Variants in EXOC4 observed in about 807,000 individuals in gnomAD.
EXOC4 encodes the protein SEC8-like 1.
A neutral mutation model predicts 107.2 loss-of-function variants in EXOC4; 71 were observed. The ratio of observed to expected loss-of-function variants is 0.66; its 90% CI spans 0.55 to 0.81. EXOC4 has a LOEUF of 0.81. Among genes scored for constraint, EXOC4 ranks in the 30% least tolerant of loss-of-function variants. The probability of loss-of-function intolerance (pLI) is 0.00; values close to 1 mark genes in which losing one functional copy is unlikely to be tolerated. For missense variants in EXOC4, 1,108 were observed against 1,189.6 expected (o/e 0.93, Z 1.01); for synonymous variants, 456 against 441.2 (o/e 1.03, Z -0.42).
intron 17 of EXOC4, among the ~76,000 whole-genome samples, chr7:134,012,614 A>G (rs1368039259): frequency 2.0e-5 from 3 of 152,214 alleles, no homozygotes; most frequent in Non-Finnish European, 4.4e-5. Context: ...CAGAATAGAC[A>G]TAAAAAGGGA....
chr7:133,354,956 C>T (rs1795991085), intron 5 of EXOC4, among the ~76,000 whole-genome samples: 1 of 152,112 alleles, frequency 6.6e-6, no homozygotes, highest in South Asian at 2.1e-4. Flanking sequence ...GTGCCTCCTA[C>T]TCTGCAGTCT....
At chr7:133,548,813 C>T (rs779816643) in intron 9 of EXOC4, among the ~76,000 whole-genome samples, 4 of 152,138 alleles carry the variant, frequency 2.6e-5, no homozygotes, top group Non-Finnish European at 5.9e-5. Flanking sequence ...CTAAAACTTT[C>T]GCCATGTAAG....
chr7:133,977,979 A>T (rs1353129238), intron 14 of EXOC4, among the ~76,000 whole-genome samples: 1 of 152,224 alleles, frequency 6.6e-6, no homozygotes, highest in East Asian at 1.9e-4. Context: ...TTCTTTGTAC[A>T]TAGTGAACTG....
intron 11 of EXOC4, among the ~76,000 whole-genome samples, chr7:133,855,915 C>T (rs145484205): frequency 1.3e-5 from 2 of 152,322 alleles, no homozygotes; most frequent in South Asian, 2.1e-4. Context: ...CAACCATGTA[C>T]GTAGGTTGTC....
At chr7:133,459,258 T>G (rs557872620) in intron 7 of EXOC4, among the ~76,000 whole-genome samples, 2 of 152,292 alleles carry the variant, frequency 1.3e-5, no homozygotes, top group South Asian at 4.1e-4. Flanking sequence ...CTGAGAATAA[T>G]TAGGTAGAGC....
chr7:133,860,886 A>G (rs1196620657), intron 11 of EXOC4, among the ~76,000 whole-genome samples: 2 of 152,154 alleles, frequency 1.3e-5, no homozygotes, highest in African/African-American at 4.8e-5. Context: ...TCTATGTATG[A>G]CTAGAAATAA....
chr7:133,370,335 G>A (rs948612768), intron 6 of EXOC4, among the ~76,000 whole-genome samples: 4 of 151,924 alleles, frequency 2.6e-5, no homozygotes, highest in African/African-American at 9.7e-5. Context: ...ATACATTTTA[G>A]GGAGGCATGA....
chr7:133,474,802 A>G (rs1378390445), intron 7 of EXOC4, among the ~76,000 whole-genome samples: 1 of 152,042 alleles, frequency 6.6e-6, no homozygotes, highest in East Asian at 1.9e-4. Flanking sequence ...TGCACTCCCT[A>G]GTACACTAGG....
At chr7:133,286,848 C>G (rs1464787959) in intron 2 of EXOC4, among the ~76,000 whole-genome samples, 1 of 152,190 alleles carries the variant, frequency 6.6e-6, no homozygotes, top group Non-Finnish European at 1.5e-5. Context: ...ATGCCTCCCT[C>G]TCAACCATGC....
At chr7:134,063,870 A>T (rs907665522) in intron 17 of EXOC4, among the ~76,000 whole-genome samples, 1 of 152,160 alleles carries the variant, frequency 6.6e-6, no homozygotes, top group Non-Finnish European at 1.5e-5. Flanking sequence ...GGAGCAGAAA[A>T]CCATGTACAG....
At chr7:133,900,676 G>C (rs12155007) in intron 12 of EXOC4, among the ~76,000 whole-genome samples, 5,790 of 152,178 alleles carry the variant, frequency 0.038, 163 homozygotes, top group Middle Eastern at 0.11. Flanking sequence ...GCCTGAATCA[G>C]GGGACAGGGA....
chr7:133,307,458 A>G (rs1488365013), intron 4 of EXOC4, among the ~76,000 whole-genome samples: 2 of 152,198 alleles, frequency 1.3e-5, no homozygotes, highest in African/African-American at 4.8e-5. Context: ...TAATAAAATC[A>G]CTATGGTCCT....
intron 9 of EXOC4, among the ~76,000 whole-genome samples, chr7:133,580,172 T>C (rs1041354117): frequency 6.6e-6 from 1 of 152,240 alleles, no homozygotes; most frequent in Admixed American, 6.5e-5. Context: ...CCAAAGTATG[T>C]ATACATCGCA....
intron 9 of EXOC4, among the ~76,000 whole-genome samples, chr7:133,560,622 T>TA (rs1311642972): frequency 3.3e-5 from 5 of 152,182 alleles, no homozygotes; most frequent in Admixed American, 1.3e-4. Flanking sequence ...CCTTTCCATT[T>TA]AAAAAAATCT....
chr7:133,998,564 C>A (rs1271411396), intron 15 of EXOC4, among the ~76,000 whole-genome samples: 1 of 152,102 alleles, frequency 6.6e-6, no homozygotes, highest in East Asian at 1.9e-4. Flanking sequence ...TGCTTGTAGG[C>A]TGATGAACAA....
At chr7:133,770,854 A>G (rs2151162269) in intron 10 of EXOC4, among the ~76,000 whole-genome samples, 1 of 152,048 alleles carries the variant, frequency 6.6e-6, no homozygotes, top group African/African-American at 2.4e-5. Context: ...TGCTACCCTA[A>G]GCTCTCCTGG....
chr7:133,287,285 T>G (rs1470297115), intron 2 of EXOC4, among the ~76,000 whole-genome samples: 1 of 141,816 alleles, frequency 7.1e-6, no homozygotes, highest in Non-Finnish European at 1.5e-5. Flanking sequence ...CCCCCCAAAT[T>G]AATAATCAGT....
chr7:133,689,865 C>T (rs371959022), intron 10 of EXOC4, among the ~76,000 whole-genome samples: 1 of 152,114 alleles, frequency 6.6e-6, no homozygotes, highest in African/African-American at 2.4e-5. Context: ...CCTTTATTTG[C>T]AATTTTAGAA....
At position 133,658,143 on chromosome 7, in the gene EXOC4, G is replaced by A. The variant is rs575234194; in HGVS notation, c.1514+28002G>A. ...TAGGGATATGGAGAAGACCTTTTCT[G>A]TCAGAAAGTACAGCATGTGCCAAGG... On this transcript the variant is annotated intron_variant, in intron 10 of 17. Coordinates refer to ENST00000253861, the MANE Select transcript of EXOC4 (RefSeq NM_021807.4). 3.9e-5 allele frequency among the ~76,000 whole-genome samples: 6 copies of A among 152,236 alleles called. No individual in the cohort carries two copies. The East Asian group carries it at 9.7e-4, about 25-fold the overall frequency.
Sources: gnomAD v4.1 joint callset for allele counts (sites outside exome capture counted in the v4.1 genomes callset) on GRCh38, gnomAD v4.1.1 for gene constraint, MANE v1.5 for transcripts, NCBI Gene and HGNC (gene_info 2026-07-23, HGNC 2026-07-21) for gene names.